The following EPHA4 variants were observed in gnomAD, a reference collection of about 807,000 sequenced individuals.
EPHA4 encodes the protein EPH receptor A4, also known as ephrin type-A receptor 4.
In EPHA4, 19 loss-of-function variants were observed where a neutral mutation model predicts 108.3. The observed-to-expected ratio is 0.18, with a 90% CI of 0.12 to 0.26. The LOEUF (loss-of-function observed/expected upper bound fraction) is 0.26, where lower values mean the gene tolerates loss of function less well. EPHA4 is among the 10% of genes least tolerant of loss of function. EPHA4 has a pLI of 1.00. For synonymous variants in EPHA4, 449 were observed against 455.5 expected (o/e 0.99, Z 0.18); for missense variants, 917 against 1,254.0 (o/e 0.73, Z 4.06).
Position 221,501,143 on chromosome 2 carries a change from A to G in EPHA4, c.853T>C (p.Ser285Pro), listed in dbSNP as rs766030392. The part of the protein sequence containing the change: ...ACKIGYYKAL[S>P]TDATCAKCPP... ...CACTTGGCACAGGTGGCATCCGTGGAGAGAGCCTTGTAATATCCAATTTTG... is the reference window on the plus strand; with the variant it reads ...CACTTGGCACAGGTGGCATCCGTGGGGAGAGCCTTGTAATATCCAATTTTG... The change falls in exon 4 of 18, where the codon TCC becomes CCC. Residue 285 changes from serine to proline, a missense_variant. By Grantham distance (74) the Ser-to-Pro change is moderately conservative. Coordinates refer to ENST00000281821, the MANE Select transcript of EPHA4 (RefSeq NM_004438.5). The G allele has an allele frequency of 8.7e-6, 14 of 1,612,020 alleles. No individual in the cohort carries two copies. Among genetic ancestry groups the G allele is most frequent in the Non-Finnish European group, 1.2e-5 (14 of 1,179,084 alleles).
intron 3 of EPHA4, among the ~76,000 whole-genome samples, chr2:221,561,344 T>C (rs1293672777): frequency 1.3e-5 from 2 of 152,168 alleles, no homozygotes; most frequent in Admixed American, 6.5e-5. Flanking sequence ...AATTTTTACA[T>C]GGCAATAACA....
chr2:221,455,725 T>C (rs1265489761), intron 7 of EPHA4, 67 bp from the exon 8 acceptor site: 1 of 1,160,972 alleles, frequency 8.6e-7, no homozygotes, highest in Non-Finnish European at 1.3e-6. Flanking sequence ...TCTGAATGGG[T>C]CACAGTTTTC....
intron 5 of EPHA4, 118 bp from the exon 6 acceptor site, chr2:221,458,108 C>T (rs2106119049): frequency 6.3e-6 from 8 of 1,275,296 alleles, no homozygotes; most frequent in Non-Finnish European, 7.5e-6. Context: ...TCTTGTCTCC[C>T]CCTTGACCAT....
At chr2:221,532,103 T>C (rs540106674) in intron 3 of EPHA4, among the ~76,000 whole-genome samples, 1 of 150,492 alleles carries the variant, frequency 6.6e-6, no homozygotes, top group African/African-American at 2.5e-5. Flanking sequence ...CAGGCAATTG[T>C]CACACAGATA....
At chr2:221,533,914 G>A (rs371083495) in intron 3 of EPHA4, among the ~76,000 whole-genome samples, 43 of 152,190 alleles carry the variant, frequency 2.8e-4, no homozygotes, top group Middle Eastern at 3.4e-3. Flanking sequence ...AGCCAGCAGC[G>A]CCCTACCAGA....
upstream of EPHA4, chr2:221,574,003 C>G (rs956826809): frequency 6.6e-6 from 1 of 152,168 alleles, no homozygotes; most frequent in African/African-American, 2.4e-5. Context: ...AAAAGCGGAT[C>G]CTAAATAAAG....
intron 17 of EPHA4, among the ~76,000 whole-genome samples, chr2:221,423,098 C>T (rs1270051702): frequency 6.6e-6 from 1 of 152,176 alleles, no homozygotes. Context: ...ATGAATAATA[C>T]TTGGACAATG....
chr2:221,518,887 C>T (rs1693072694), intron 3 of EPHA4, among the ~76,000 whole-genome samples: 1 of 152,142 alleles, frequency 6.6e-6, no homozygotes, highest in Admixed American at 6.5e-5. Context: ...CTTGGGAGCA[C>T]TTGTCTCCCA....
At chr2:221,527,028 A>G (rs773866781) in intron 3 of EPHA4, among the ~76,000 whole-genome samples, 6 of 150,354 alleles carry the variant, frequency 4.0e-5, no homozygotes, top group South Asian at 2.1e-4. Flanking sequence ...TCAGGAGGCT[A>G]AGGCAGGAGA....
chr2:221,564,849 T>C (rs1694577195), intron 2 of EPHA4, among the ~76,000 whole-genome samples: 1 of 137,208 alleles, frequency 7.3e-6, no homozygotes, highest in Admixed American at 7.8e-5. Context: ...ATCAGTTAAT[T>C]AGTAGTGCTC....
chr2:221,570,670 G>A (rs1002038780), intron 1 of EPHA4, among the ~76,000 whole-genome samples: 1 of 148,288 alleles, frequency 6.7e-6, no homozygotes, highest in Non-Finnish European at 1.5e-5. Flanking sequence ...TTGGTTTTTG[G>A]CTCCCTCCTT....
chr2:221,496,135 G>A (rs912232868), intron 4 of EPHA4, among the ~76,000 whole-genome samples: 1 of 152,178 alleles, frequency 6.6e-6, no homozygotes, highest in African/African-American at 2.4e-5. Context: ...GGGGCAGCGT[G>A]CGAGTGGGGA....
intron 3 of EPHA4, among the ~76,000 whole-genome samples, chr2:221,541,870 T>C (rs1399076379): frequency 6.6e-6 from 1 of 152,180 alleles, no homozygotes; most frequent in African/African-American, 2.4e-5. Context: ...GATTTCAGGT[T>C]TACTTTGCAT....
chr2:221,557,837 T>TC (rs1694349061), intron 3 of EPHA4, among the ~76,000 whole-genome samples: 2 of 151,998 alleles, frequency 1.3e-5, no homozygotes, highest in South Asian at 4.1e-4. Context: ...TGCCTAATGC[T>TC]CCCCCCACTG....
At chr2:221,507,030 A>G (rs1031907067) in intron 3 of EPHA4, among the ~76,000 whole-genome samples, 1 of 152,210 alleles carries the variant, frequency 6.6e-6, no homozygotes, top group Non-Finnish European at 1.5e-5. Context: ...CTATTAAAAA[A>G]CATTCTTAGC....
chr2:221,546,801 C>T (rs1339327328), intron 3 of EPHA4, among the ~76,000 whole-genome samples: 1 of 152,206 alleles, frequency 6.6e-6, no homozygotes, highest in African/African-American at 2.4e-5. Context: ...CAACTACTCA[C>T]CCTGGGCAAA....
At chr2:221,447,679 C>T (rs1281142526) in intron 8 of EPHA4, among the ~76,000 whole-genome samples, 2 of 152,162 alleles carry the variant, frequency 1.3e-5, no homozygotes, top group African/African-American at 4.8e-5. Context: ...TATATTATCT[C>T]CTTCCCTAAC....
chr2:221,518,799 AC>A (rs1693067279), intron 3 of EPHA4, among the ~76,000 whole-genome samples: 1 of 152,174 alleles, frequency 6.6e-6, no homozygotes, highest in South Asian at 2.1e-4. Flanking sequence ...CAATCCTAAC[AC>A]GGGTAAGCAA....
intron 17 of EPHA4, among the ~76,000 whole-genome samples, chr2:221,423,008 G>A (rs1201773856): frequency 6.6e-6 from 1 of 152,158 alleles, no homozygotes; most frequent in African/African-American, 2.4e-5. Context: ...TTCACTGTGT[G>A]ACCCCCCTAC....
Sources: gnomAD v4.1 joint callset for allele counts (sites outside exome capture counted in the v4.1 genomes callset) on GRCh38, gnomAD v4.1.1 for gene constraint, MANE v1.5 for transcripts, NCBI Gene and HGNC (gene_info 2026-07-23, HGNC 2026-07-21) for gene names.